Variants in PDXDC1 observed in about 807,000 individuals in gnomAD.
PDXDC1 encodes pyridoxal-dependent decarboxylase domain-containing protein 1.
Under a neutral mutation model 100.1 loss-of-function variants are expected in PDXDC1, and 42 were observed. The ratio of observed to expected loss-of-function variants is 0.42; its 90% CI spans 0.33 to 0.54. The LOEUF (loss-of-function observed/expected upper bound fraction) is 0.54, where lower values mean the gene tolerates loss of function less well. Among genes scored for constraint, PDXDC1 ranks in the 20% least tolerant of loss-of-function variants. PDXDC1 has a pLI of 0.10. For missense variants in PDXDC1, 636 were observed against 979.2 expected, an observed-to-expected ratio of 0.65 and a Z score of 4.68; for synonymous variants, 260 against 371.7, an observed-to-expected ratio of 0.70 and a Z score of 3.46.
chr16:15,140,538 A>T (rs1314189012), downstream of PDXDC1, among the ~76,000 whole-genome samples: 1 of 152,074 alleles, frequency 6.6e-6, no homozygotes, highest in African/African-American at 2.4e-5. Flanking sequence ...AAGAAAAACC[A>T]GGCAATTAAA....
chr16:15,069,919 G>A (rs2045149364), intron 16 of PDXDC1: 1 of 984,436 alleles, frequency 1.0e-6, no homozygotes, highest in Non-Finnish European at 1.5e-6. Context: ...AGGGGCCTAT[G>A]AGCTGCTTGA....
At chr16:14,978,853 G>A (rs531142384) in intron 1 of PDXDC1, among the ~76,000 whole-genome samples, 38 of 152,404 alleles carry the variant, frequency 2.5e-4, no homozygotes, top group African/African-American at 4.1e-4. Context: ...GTTTCTCAGC[G>A]TCAGCACTAG....
At chr16:14,978,503 C>T (rs1348697228) in intron 1 of PDXDC1, among the ~76,000 whole-genome samples, 4 of 152,296 alleles carry the variant, frequency 2.6e-5, no homozygotes, top group African/African-American at 7.2e-5. Flanking sequence ...GATCCTCGCG[C>T]CTCAGCCTCC....
intron 1 of PDXDC1, among the ~76,000 whole-genome samples, chr16:14,991,189 T>C (rs553657148): frequency 5.5e-4 from 84 of 152,386 alleles, no homozygotes; most frequent in African/African-American, 1.8e-3. Context: ...GATTTTAGTG[T>C]TTATAAATGC....
At chr16:15,146,354 G>C in the PDXDC1 span, among the ~76,000 whole-genome samples, 169 of 152,316 alleles carry the variant, frequency 1.1e-3, 3 homozygotes, top group East Asian at 0.025. Flanking sequence ...CAAGGATGCA[G>C]CAGGGTCCGC....
intron 16 of PDXDC1, among the ~76,000 whole-genome samples, chr16:15,111,132 ACAC>A (rs2047037776): frequency 7.3e-6 from 1 of 136,070 alleles, no homozygotes; most frequent in African/African-American, 2.5e-5. Context: ...TGTCACACAC[ACAC>A]ACACACACAC....
chr16:15,047,084 G>A (rs957785266), intron 16 of PDXDC1: 8 of 282,322 alleles, frequency 2.8e-5, no homozygotes, highest in African/African-American at 1.5e-4. Flanking sequence ...AGGTGTAGGT[G>A]AGAGGAAGCA....
intron 5 of PDXDC1, among the ~76,000 whole-genome samples, chr16:15,004,726 T>G (rs1412663497): frequency 6.6e-6 from 1 of 152,234 alleles, no homozygotes; most frequent in Non-Finnish European, 1.5e-5. Context: ...CCTCCCATCC[T>G]CACCCTATGG....
In PDXDC1 at chr16:15,006,530, A is replaced by G. The variant is rs138798561; in HGVS notation, c.526A>G (p.Ile176Val). 88 of 1,605,076 alleles carry G rather than the reference A, an allele frequency of 5.5e-5. No individual in the cohort carries two copies. The highest frequency in any genetic ancestry group is 3.1e-4 in the African/African-American group (23 of 74,944). Residue 176 changes from isoleucine to valine, a missense_variant, in exon 6 of 23, where the codon ATA becomes GTA. Transcript: ENST00000396410. ...FNVLYNKKPVIYLSAAARPGL... is the reference protein window; with the variant it reads ...FNVLYNKKPVVYLSAAARPGL... ...TGTGTTATATAACAAGAAGCCTGTC[A>G]TATATCTTAGTGCTGCTGCTAGACC... is the stretch of plus-strand genomic sequence containing the variant.
At chr16:15,151,977 T>G in the PDXDC1 span, among the ~76,000 whole-genome samples, 67 of 83,772 alleles carry the variant, frequency 8.0e-4, no homozygotes, top group Admixed American at 1.1e-3. Context: ...AGGGGAAGGG[T>G]CGGGGCAGGG....
At chr16:15,041,743 C>CA (rs971791945), downstream of PDXDC1, 1 of 1,179,782 alleles carries the variant, frequency 8.5e-7, no homozygotes, top group Admixed American at 1.7e-5. Context: ...AACTGCTGAG[C>CA]AAGCCAACGA....
intron 16 of PDXDC1, chr16:15,128,357 C>A (rs777551546): frequency 1.2e-6 from 2 of 1,606,344 alleles, no homozygotes; most frequent in Non-Finnish European, 1.7e-6. Context: ...CTGTCCACCC[C>A]ATACAGCATG....
chr16:14,990,506 A>G (rs1315921562), intron 1 of PDXDC1, among the ~76,000 whole-genome samples: 2 of 152,290 alleles, frequency 1.3e-5, no homozygotes, highest in African/African-American at 4.8e-5. Context: ...GTTTTAAGGG[A>G]TCAGTTAATC....
chr16:15,092,631 A>C (rs1363558307), intron 16 of PDXDC1: 1 of 1,424,422 alleles, frequency 7.0e-7, no homozygotes, highest in Admixed American at 1.7e-5. Flanking sequence ...AACCAAGATT[A>C]ACAAGCTATT....
chr16:15,148,098 C>A, the PDXDC1 span, among the ~76,000 whole-genome samples: 1 of 151,654 alleles, frequency 6.6e-6, no homozygotes, highest in African/African-American at 2.4e-5. Flanking sequence ...AGGGAATCCT[C>A]CCCCCTCAGC....
chr16:15,094,608 T>C, intron 16 of PDXDC1: 1 of 311,228 alleles, frequency 3.2e-6, no homozygotes, highest in Non-Finnish European at 6.0e-6. Context: ...CTGAAGCACT[T>C]GTGACTGACC....
intron 16 of PDXDC1, chr16:15,104,663 C>A (rs749218014): frequency 1.3e-6 from 2 of 1,597,760 alleles, no homozygotes; most frequent in Non-Finnish European, 1.7e-6. Context: ...GAGGAGGTGG[C>A]TGGTGGCCCA....
intron 16 of PDXDC1, among the ~76,000 whole-genome samples, chr16:15,067,766 G>C (rs2045039403): frequency 6.6e-6 from 1 of 151,990 alleles, no homozygotes; most frequent in South Asian, 2.1e-4. Context: ...GGTTGTTTTT[G>C]TTTGTTTAAG....
At position 15,037,241 on chromosome 16, in the gene PDXDC1, G is replaced by A. The variant is rs2043510762; in HGVS notation, c.*966G>A. On this transcript the variant is annotated 3_prime_UTR_variant, in exon 23 of 23. Coordinates refer to ENST00000396410, the MANE Select transcript of PDXDC1 (RefSeq NM_015027.4). Reference sequence around the variant, plus strand: ...GCCGGGCACCCTGCTTAAGTCAGTAGAAGCTCGCTGGCACTGCCCGTTCCT... The same window carrying A: ...GCCGGGCACCCTGCTTAAGTCAGTAAAAGCTCGCTGGCACTGCCCGTTCCT... 6.6e-6 allele frequency: 1 copy of A among 152,238 alleles called. No individual in the cohort carries two copies. The highest frequency in any genetic ancestry group is 6.5e-5 in the Admixed American group (1 of 15,286). 9.4% of individuals were successfully genotyped at this position (152,238 alleles called of 1,614,324 possible).
Sources: allele counts gnomAD v4.1 joint callset (sites outside exome capture counted in the v4.1 genomes callset), GRCh38; gene constraint gnomAD v4.1.1; transcripts MANE v1.5; gene names NCBI Gene and HGNC (gene_info 2026-07-23, HGNC 2026-07-21).